STK11IP: variants seen among roughly 807,000 people sequenced by gnomAD.
The protein encoded by STK11IP is serine/threonine-protein kinase 11-interacting protein.
In STK11IP, 103 loss-of-function variants were observed where a neutral mutation model predicts 131.7. The observed-to-expected ratio is 0.78, with a 90% confidence interval of 0.67 to 0.92. The LOEUF (loss-of-function observed/expected upper bound fraction) is 0.92. STK11IP is among the 40% of genes least tolerant of loss of function. The pLI is 0.00. For synonymous variants in STK11IP, 557 were observed against 575.6 expected, an observed-to-expected ratio of 0.97 and a Z score of 0.46; for missense variants, 1,315 against 1,385.7, an observed-to-expected ratio of 0.95 and a Z score of 0.81.
rs1170411247 is a variant in STK11IP at position 219,616,262 on chromosome 2, G to C, written c.*69G>C. The C allele has an allele frequency of 6.5e-7, 1 of 1,530,942 alleles. No individual in the cohort carries two copies. The allele number at this position is 1,530,942 out of a possible 1,614,324, so 94.8% of individuals were successfully genotyped here. On this transcript the variant is annotated 3_prime_UTR_variant, in exon 25 of 25. Transcript: ENST00000456909. ...TAGACATTCCCTCTCCTGGTCTCTGGGTCTGGCTTCCAGGCTCTGGCTGTG... is the reference window on the plus strand; with the variant it reads ...TAGACATTCCCTCTCCTGGTCTCTGCGTCTGGCTTCCAGGCTCTGGCTGTG...
intron 17 of STK11IP, 101 bp downstream of exon 17, chr2:219,609,641 G>T (rs933158225): frequency 7.3e-7 from 1 of 1,364,850 alleles, no homozygotes; most frequent in Non-Finnish European, 1.0e-6. Flanking sequence ...TAGGGAGAAG[G>T]GGCTAGAGTG....
chr2:219,597,934 C>G lies in STK11IP; in HGVS notation c.-27+11C>G, dbSNP rs749971578. On this transcript the variant is annotated intron_variant, in intron 1 of 24. Transcript: ENST00000456909. ...AGACGGGGAGGTTCGGTATGTCTGACCAGGACTTATGTTCCTCGAAAGGGC... is the reference window on the plus strand; with the variant it reads ...AGACGGGGAGGTTCGGTATGTCTGAGCAGGACTTATGTTCCTCGAAAGGGC... 47 of 1,611,998 alleles carry G rather than the reference C, an allele frequency of 2.9e-5. No individual in the cohort carries two copies. In the Admixed American group the frequency reaches 3.5e-4, roughly 12 times the overall value.
intron 4 of STK11IP, 58 bp downstream of exon 4, chr2:219,601,773 G>C (rs932093055): frequency 1.3e-6 from 2 of 1,547,930 alleles, no homozygotes; most frequent in Non-Finnish European, 1.8e-6. Flanking sequence ...AGCCCCTTGG[G>C]GATGGGAAAG....
In STK11IP at chr2:219,601,217, T is replaced by C. The variant is rs780099895; in HGVS notation, c.62-18T>C. 3 of 1,601,452 alleles carry C rather than the reference T, an allele frequency of 1.9e-6. No homozygotes were observed. Among genetic ancestry groups the C allele is most frequent in the Non-Finnish European group, 2.6e-6 (3 of 1,170,972 alleles). On this transcript the variant is annotated intron_variant, in intron 2 of 24. Coordinates refer to ENST00000456909, the MANE Select transcript of STK11IP (RefSeq NM_052902.4). ...CTTTTCACTGTGTCTTCCCTCCTGT[T>C]TGCCCCTTTTTCTGCAGGGGATGTG...
intron 21 of STK11IP, 44 bp from the exon 22 acceptor site, chr2:219,614,117 G>C: frequency 1.2e-6 from 2 of 1,605,840 alleles, no homozygotes; most frequent in Non-Finnish European, 1.7e-6. Context: ...TTAGGCTGGA[G>C]GAGAGCAGAG....
rs372389538 is a variant in STK11IP at position 219,601,734 on chromosome 2, A to T, written c.342+19A>T. 3.8e-6 allele frequency: 6 copies of T among 1,582,834 alleles called. No homozygotes were observed. The highest frequency in any genetic ancestry group is 1.8e-5 in the Admixed American group (1 of 55,440). ...CCTGGAGGTATGGGGACACGGGGGGATGTTGGTGCACAGCACCCAACTTGA... is the reference window on the plus strand; with the variant it reads ...CCTGGAGGTATGGGGACACGGGGGGTTGTTGGTGCACAGCACCCAACTTGA... On this transcript the variant is annotated intron_variant, in intron 4 of 24. Coordinates refer to ENST00000456909, the MANE Select transcript of STK11IP (RefSeq NM_052902.4).
chr2:219,598,146 G>A lies in STK11IP; in HGVS notation c.27G>A (p.Leu9=), dbSNP rs1221697487. MTTAQRDS[L]LWKLAGLLRE... ...TGACGACCGCTCAGAGGGACTCCCT[G>A]TTGTGGAAGCTCGCGGGGTTGCTGC... The change falls in exon 2 of 25, where the codon CTG becomes CTA. Residue 9 remains leucine, a synonymous_variant. Transcript: ENST00000456909. 6.3e-7 allele frequency: 1 copy of A among 1,585,982 alleles called. No homozygotes were observed. Among genetic ancestry groups the A allele is most frequent in the Non-Finnish European group, 8.6e-7 (1 of 1,166,266 alleles).
chr2:219,612,665 T>C (rs1698434197), intron 19 of STK11IP, among the ~76,000 whole-genome samples: 1 of 151,870 alleles, frequency 6.6e-6, no homozygotes, highest in Non-Finnish European at 1.5e-5. Context: ...GTGTCGCTGG[T>C]GGGGAGAACT....
intron 24 of STK11IP, 162 bp from the exon 25 acceptor site, chr2:219,615,882 A>G: frequency 1.1e-6 from 1 of 949,240 alleles, no homozygotes; most frequent in South Asian, 1.4e-5. Flanking sequence ...TCTGTTTACA[A>G]AGCTCAGAGT....
rs1404358069 is a variant in STK11IP, at chr2:219,615,212, T to C, written c.2988T>C (p.Ser996=). The C allele has an allele frequency of 1.9e-6, 3 of 1,596,460 alleles. No individual in the cohort carries two copies. Among genetic ancestry groups the C allele is most frequent in the South Asian group, 2.2e-5 (2 of 88,972 alleles). ...PSPPAASGEA[S]EKVPPSGPGP... The stretch of plus-strand genomic sequence containing the variant: ...CTCCAGCAGCATCTGGCGAAGCCTC[T>C]GAGAAGGTGCCTCCCTCGGGGCCGG... The change falls in exon 24 of 25, where the codon TCT becomes TCC. Residue 996 remains serine (S), a synonymous_variant. Coordinates refer to ENST00000456909, the MANE Select transcript of STK11IP (RefSeq NM_052902.4).
intron 4 of STK11IP, 134 bp from the exon 5 acceptor site, chr2:219,601,854 G>C: frequency 8.0e-7 from 1 of 1,244,896 alleles, no homozygotes; most frequent in Non-Finnish European, 1.1e-6. Flanking sequence ...GATATCCACT[G>C]TCTTTCCATT....
intron 2 of STK11IP, among the ~76,000 whole-genome samples, chr2:219,600,624 G>A (rs1697955340): frequency 2.0e-5 from 3 of 152,298 alleles, no homozygotes; most frequent in Admixed American, 2.0e-4. Context: ...TGCCCTCAAG[G>A]ATGAAAGTCT....
chr2:219,606,821 G>A lies in STK11IP; in HGVS notation c.1097G>A (p.Gly366Glu), dbSNP rs1437405179. ...GPDLSDSLSS[G>E]GVVTQPLLHK... ...GACCTGAGTGACAGCCTCTCCTCAG[G>A]GGGTGTTGTGACCCAGCCCCTGCTT... is the stretch of plus-strand genomic sequence containing the variant. The change falls in exon 12 of 25, where the codon GGG (glycine) becomes GAG (glutamate). Residue 366 changes from glycine (G) to glutamate (E), a missense_variant. Gly to Glu is a moderately conservative substitution (Grantham distance 98). Coordinates refer to ENST00000456909, the MANE Select transcript of STK11IP (RefSeq NM_052902.4). 1.9e-6 allele frequency: 3 copies of A among 1,613,366 alleles called. No homozygotes were observed. The Admixed American group carries it at 5.0e-5, about 27-fold the overall frequency.
intron 7 of STK11IP, among the ~76,000 whole-genome samples, chr2:219,603,063 A>ATGGAGTCTCGCTCTGTCACCCAGGC (rs1191690913): frequency 2.6e-5 from 3 of 115,186 alleles, no homozygotes; most frequent in Non-Finnish European, 5.0e-5. Flanking sequence ...TTTTTTTGAG[A>ATGGAGTCTCGCTCTGTCACCCAGGC]TGGAGTCTCG....
chr2:219,607,164 C>G (rs1387210675), intron 13 of STK11IP, 27 bp downstream of exon 13: 3 of 1,605,870 alleles, frequency 1.9e-6, no homozygotes, highest in Non-Finnish European at 1.7e-6. Context: ...CCACTAACCT[C>G]TCTCGTCCCC....
chr2:219,614,244 T>C lies in STK11IP; in HGVS notation c.2798+2T>C. The C allele has an allele frequency of 1.2e-6, 2 of 1,613,232 alleles. No individual in the cohort carries two copies. The highest frequency in any genetic ancestry group is 1.7e-6 in the Non-Finnish European group (2 of 1,179,734). The stretch of plus-strand genomic sequence containing the variant: ...GGTCACCCCCCAGCACCGGCTCTGG[T>C]GAGTCGATAGGAGGCAGAGGCTGGG... On this transcript the variant is annotated splice_donor_variant, in intron 22 of 24. Transcript: ENST00000456909. LOFTEE classifies it high-confidence loss of function.
In STK11IP at chr2:219,605,683, G is replaced by T. The variant is rs147583671; in HGVS notation, c.694G>T (p.Ala232Ser). The T allele has an allele frequency of 9.5e-6, 15 of 1,573,198 alleles. No individual in the cohort carries two copies. In the African/African-American group the frequency reaches 1.8e-4, roughly 18 times the overall value. ...GGTGCCAAGAATGGGACCCTCAGGG[G>T]CTGCTCTGGGGGTCCTGATACTGCG... ...HLVPRMGPSG[A>S]ALGVLILRGN... Residue 232 changes from alanine (A) to serine (S), a missense_variant, in exon 8 of 25, where the codon GCT (alanine) becomes TCT (serine). Ala to Ser is a moderately conservative substitution (Grantham distance 99). Coordinates refer to ENST00000456909, the MANE Select transcript of STK11IP (RefSeq NM_052902.4).
Position 219,608,056 on chromosome 2 carries a change from T to C in STK11IP, c.1229T>C (p.Val410Ala). Residue 410 changes from valine to alanine, a missense_variant, in exon 14 of 25, where the codon GTG (valine) becomes GCG (alanine). Physicochemically the swap from Val to Ala is moderately conservative, Grantham distance 64 (BLOSUM62 0). Coordinates refer to ENST00000456909, the MANE Select transcript of STK11IP (RefSeq NM_052902.4). ...TTCCCCTCCTGCCTAGGATGGTTCG[T>C]GCAGCAGCACCCGGAGCTGGAGCTC... ...TLNPSPAGWF[V>A]QQHPELELMS... 1.2e-6 allele frequency: 2 copies of C among 1,611,646 alleles called. No homozygotes were observed. Among genetic ancestry groups the C allele is most frequent in the Middle Eastern group, 2.1e-4 (1 of 4,844 alleles).
intron 1 of STK11IP, 32 bp downstream of exon 1, chr2:219,597,955 A>G: frequency 1.2e-6 from 2 of 1,610,386 alleles, no homozygotes; most frequent in East Asian, 2.2e-5. Flanking sequence ...GTTCCTCGAA[A>G]GGGCGGCCAG....
Sources: allele counts gnomAD v4.1 joint callset (sites outside exome capture counted in the v4.1 genomes callset), GRCh38; gene constraint gnomAD v4.1.1; transcripts MANE v1.5; gene names NCBI Gene and HGNC (gene_info 2026-07-23, HGNC 2026-07-21).